The following RSU1 variants were observed in gnomAD, a reference collection of about 807,000 sequenced individuals.
The protein encoded by RSU1 is rsu-1.
In RSU1, 26 loss-of-function variants were observed where a neutral mutation model predicts 31.1. The observed-to-expected ratio is 0.84, with a 90% CI of 0.61 to 1.16. The LOEUF is 1.16. Among genes scored for constraint, RSU1 ranks in the 50% most tolerant of loss-of-function variants. The probability of loss-of-function intolerance (pLI) is 0.00; values close to 1 mark genes in which losing one functional copy is unlikely to be tolerated. For missense variants in RSU1, 320 were observed against 339.1 expected (o/e 0.94, Z 0.44); for synonymous variants, 164 against 136.3 (o/e 1.20, Z -1.41).
intron 8 of RSU1, among the ~76,000 whole-genome samples, chr10:16,691,722 CTTTTTTTTTTTTT>C (rs58786188): frequency 0.021 from 2,206 of 106,102 alleles, 36 homozygotes; most frequent in South Asian, 0.083. Context: ...GCTGCTGCTT[CTTTTTTTTTTTTT>C]TTTTTTTTTT....
intron 2 of RSU1, among the ~76,000 whole-genome samples, chr10:16,799,073 AG>A (rs2131669093): frequency 1.3e-5 from 2 of 152,332 alleles, no homozygotes; most frequent in African/African-American, 4.8e-5. Flanking sequence ...CATAAAAGAT[AG>A]GGGTGCCTGT....
intron 7 of RSU1, among the ~76,000 whole-genome samples, chr10:16,743,776 T>C (rs1309341183): frequency 6.6e-6 from 1 of 152,164 alleles, no homozygotes; most frequent in Non-Finnish European, 1.5e-5. Context: ...TTATTATGTA[T>C]TTGGAGTCTG....
intron 8 of RSU1, among the ~76,000 whole-genome samples, chr10:16,595,017 C>T (rs1302849026): frequency 1.3e-5 from 2 of 151,952 alleles, no homozygotes; most frequent in African/African-American, 4.8e-5. Flanking sequence ...CTCTTGACTT[C>T]CAGTGATCCA....
intron 7 of RSU1, among the ~76,000 whole-genome samples, chr10:16,703,248 G>C (rs770857454): frequency 6.6e-6 from 1 of 152,130 alleles, no homozygotes; most frequent in East Asian, 1.9e-4. Context: ...CCAGTCTAAG[G>C]CATTTCTTTA....
At chr10:16,656,060 T>C (rs984854046) in intron 8 of RSU1, among the ~76,000 whole-genome samples, 2 of 152,130 alleles carry the variant, frequency 1.3e-5, no homozygotes, top group Non-Finnish European at 2.9e-5. Context: ...TTAGCCAAAA[T>C]AATAAATTAT....
chr10:16,708,942 C>A (rs1267589460), intron 7 of RSU1, among the ~76,000 whole-genome samples: 1 of 59,702 alleles, frequency 1.7e-5, no homozygotes, highest in Admixed American at 1.2e-4. Context: ...GATTTTGTAT[C>A]CCATAACTAC....
Position 16,680,778 on chromosome 10 carries a change from G to T in RSU1, c.731+14245C>A, listed in dbSNP as rs555492028. ...ACCAGGCCTCACCTCCAATGCTGGG[G>T]ATTGCATTTCAACATGAGATTTGGG... On this transcript the variant is annotated intron_variant, in intron 8 of 8. Transcript: ENST00000345264. Among the ~76,000 whole-genome samples, 10 of 152,242 alleles carry T rather than the reference G, an allele frequency of 6.6e-5. No individual in the cohort carries two copies. In the South Asian group the frequency reaches 2.1e-3, roughly 32 times the overall value.
At chr10:16,774,128 A>G (rs1837480864) in intron 3 of RSU1, among the ~76,000 whole-genome samples, 1 of 152,014 alleles carries the variant, frequency 6.6e-6, no homozygotes, top group Non-Finnish European at 1.5e-5. Context: ...ATATGCCCAT[A>G]TGCCCACACA....
intron 8 of RSU1, among the ~76,000 whole-genome samples, chr10:16,692,821 T>A (rs774122315): frequency 1.3e-5 from 2 of 152,210 alleles, no homozygotes; most frequent in Non-Finnish European, 2.9e-5. Context: ...TCTCATTTTA[T>A]CCTTAAGGTA....
In RSU1 at chr10:16,806,800, C is replaced by T. The variant is rs1188388569; in HGVS notation, c.109+10173G>A. Reference sequence around the variant, plus strand: ...AAGAGTCTCACTCTTGTCGCCCAGGCTGGAGTACAATGGCGTGATCTTAGC... The same window carrying T: ...AAGAGTCTCACTCTTGTCGCCCAGGTTGGAGTACAATGGCGTGATCTTAGC... On this transcript the variant is annotated intron_variant, in intron 2 of 8. Coordinates refer to ENST00000345264, the MANE Select transcript of RSU1 (RefSeq NM_012425.4). 7.2e-5 allele frequency among the ~76,000 whole-genome samples: 11 copies of T among 152,294 alleles called. No homozygotes were observed. In the East Asian group the frequency reaches 2.1e-3, roughly 29 times the overall value.
In RSU1 at chr10:16,741,599, G is replaced by A. The variant is rs997723909; in HGVS notation, c.598+10940C>T. 3.9e-5 allele frequency among the ~76,000 whole-genome samples: 6 copies of A among 152,118 alleles called. No homozygotes were observed. In the South Asian group the frequency reaches 6.2e-4, roughly 16 times the overall value. ...AAAGTGAGAGGAGGTTATTGACAGCGGCTCATGAGTGAGTGAGGGTGATAA... is the reference window on the plus strand; with the variant it reads ...AAAGTGAGAGGAGGTTATTGACAGCAGCTCATGAGTGAGTGAGGGTGATAA... On this transcript the variant is annotated intron_variant, in intron 7 of 8. Transcript: ENST00000345264.
rs553488496 is a variant in RSU1, at chr10:16,681,400, T to C, written c.731+13623A>G. On this transcript the variant is annotated intron_variant, in intron 8 of 8. Coordinates refer to ENST00000345264, the MANE Select transcript of RSU1 (RefSeq NM_012425.4). ...AAGTTACTGCCAAACATCCATTAGA[T>C]ATTCCATAAAATATGGAATAAAAAG... 1.1e-4 allele frequency among the ~76,000 whole-genome samples: 17 copies of C among 152,246 alleles called. No individual in the cohort carries two copies. The East Asian group carries it at 3.3e-3, about 29-fold the overall frequency.
chr10:16,628,221 G>A (rs1834190996), intron 8 of RSU1, among the ~76,000 whole-genome samples: 1 of 152,222 alleles, frequency 6.6e-6, no homozygotes, highest in South Asian at 2.1e-4. Context: ...CATGATCCTA[G>A]AAGTTAGGGT....
intron 7 of RSU1, among the ~76,000 whole-genome samples, chr10:16,728,899 C>T (rs750757888): frequency 1.3e-4 from 20 of 152,152 alleles, no homozygotes; most frequent in Non-Finnish European, 2.6e-4. Flanking sequence ...TCTAGAGCCT[C>T]CTGAAGGAAG....
intron 3 of RSU1, among the ~76,000 whole-genome samples, chr10:16,778,721 T>A (rs1190915916): frequency 6.7e-6 from 1 of 149,498 alleles, no homozygotes; most frequent in East Asian, 2.0e-4. Context: ...CAGGCAAGAG[T>A]AGATCCTGGG....
At chr10:16,752,759 A>G (rs1461669288) in intron 6 of RSU1, 106 bp from the exon 7 acceptor site, 2 of 1,053,018 alleles carry the variant, frequency 1.9e-6, no homozygotes, top group African/African-American at 3.1e-5. Flanking sequence ...AATCCTTTCC[A>G]TGTATTTACA....
intron 7 of RSU1, among the ~76,000 whole-genome samples, chr10:16,703,682 T>C (rs1835839858): frequency 6.6e-6 from 1 of 152,154 alleles, no homozygotes; most frequent in African/African-American, 2.4e-5. Context: ...AAGGTCAAAA[T>C]GAAGGCTGTA....
chr10:16,656,644 A>C (rs1038341646), intron 8 of RSU1, among the ~76,000 whole-genome samples: 13 of 152,242 alleles, frequency 8.5e-5, no homozygotes, highest in African/African-American at 3.1e-4. Flanking sequence ...CCAAGTATGC[A>C]CAAGCATATG....
intron 8 of RSU1, among the ~76,000 whole-genome samples, chr10:16,657,529 GAA>G (rs397945910): frequency 7.5e-6 from 1 of 133,088 alleles, no homozygotes. Flanking sequence ...AATCATACTA[GAA>G]AAAAAAAAAA....
Sources: allele counts gnomAD v4.1 joint callset (sites outside exome capture counted in the v4.1 genomes callset), GRCh38; gene constraint gnomAD v4.1.1; transcripts MANE v1.5; gene names NCBI Gene and HGNC (gene_info 2026-07-23, HGNC 2026-07-21).